Variants in RAI14 observed in about 807,000 individuals in gnomAD.
The protein encoded by RAI14 is ankycorbin.
In RAI14, 45 loss-of-function variants were observed where a neutral mutation model predicts 115.4. The ratio of observed to expected loss-of-function variants is 0.39; its 90% CI spans 0.31 to 0.50. The LOEUF (loss-of-function observed/expected upper bound fraction) is 0.50, where lower values mean the gene tolerates loss of function less well. Among genes scored for constraint, RAI14 ranks in the 20% least tolerant of loss-of-function variants. The pLI, the probability that RAI14 is intolerant of heterozygous loss-of-function variation, is 0.85. For missense variants in RAI14, 939 were observed against 1,131.2 expected (o/e 0.83, Z 2.44); for synonymous variants, 371 against 415.4 (o/e 0.89, Z 1.30).
intron 2 of RAI14, among the ~76,000 whole-genome samples, chr5:34,746,078 A>C (rs1250756239): frequency 2.6e-4 from 18 of 68,150 alleles, no homozygotes; most frequent in Admixed American, 5.3e-4. Context: ...TCCTCCCCTT[A>C]TACACCACCC....
intron 2 of RAI14, among the ~76,000 whole-genome samples, chr5:34,741,552 A>G (rs1391533496): frequency 3.3e-5 from 5 of 152,264 alleles, no homozygotes; most frequent in Admixed American, 2.6e-4. Context: ...GTTACAATGT[A>G]GAAGAGGACA....
At chr5:34,734,756 G>C (rs1026452923) in intron 2 of RAI14, among the ~76,000 whole-genome samples, 2 of 152,018 alleles carry the variant, frequency 1.3e-5, no homozygotes, top group Non-Finnish European at 2.9e-5. Context: ...CCGCCTCCCA[G>C]GTTCAAGCAA....
intron 3 of RAI14, 138 bp downstream of exon 3, chr5:34,757,736 A>T: frequency 8.7e-7 from 1 of 1,150,104 alleles, no homozygotes; most frequent in South Asian, 2.0e-5. Flanking sequence ...AGATATTTTA[A>T]TCTAGTGCCT....
intron 2 of RAI14, chr5:34,757,225 AT>A: frequency 1.8e-6 from 1 of 551,108 alleles, no homozygotes; most frequent in Admixed American, 2.2e-5. Flanking sequence ...AAAGAAGTAA[AT>A]TTTATCTCAG....
intron 1 of RAI14, among the ~76,000 whole-genome samples, chr5:34,683,874 C>G (rs1025427204): frequency 6.6e-6 from 1 of 152,116 alleles, no homozygotes; most frequent in Admixed American, 6.5e-5. Context: ...ACTACAGGCG[C>G]CCGCCATCAC....
chr5:34,781,669 A>G (rs1751664522), intron 3 of RAI14, among the ~76,000 whole-genome samples: 1 of 152,266 alleles, frequency 6.6e-6, no homozygotes, highest in Non-Finnish European at 1.5e-5. Flanking sequence ...CAGCAGCTTT[A>G]GAAAACAGGT....
At chr5:34,682,686 T>C (rs747450143) in intron 1 of RAI14, among the ~76,000 whole-genome samples, 1 of 152,164 alleles carries the variant, frequency 6.6e-6, no homozygotes, top group Non-Finnish European at 1.5e-5. Context: ...TATTTTGAAT[T>C]AAATGGGTAA....
At chr5:34,782,616 G>T (rs1217673931) in intron 3 of RAI14, among the ~76,000 whole-genome samples, 1 of 152,078 alleles carries the variant, frequency 6.6e-6, no homozygotes, top group Admixed American at 6.6e-5. Context: ...CCCAAAATTT[G>T]ATCTTATTAA....
chr5:34,695,877 G>T (rs1324693221), intron 2 of RAI14, among the ~76,000 whole-genome samples: 1 of 150,382 alleles, frequency 6.6e-6, no homozygotes, highest in African/African-American at 2.4e-5. Flanking sequence ...GAGTACAGTG[G>T]TGTTATCATA....
At chr5:34,789,922 T>TTAA (rs1470972537) in intron 3 of RAI14, among the ~76,000 whole-genome samples, 1 of 152,204 alleles carries the variant, frequency 6.6e-6, no homozygotes, top group Non-Finnish European at 1.5e-5. Context: ...CACTACCTCC[T>TTAA]TAATATCCTG....
chr5:34,669,563 C>T (rs998036655), intron 1 of RAI14, among the ~76,000 whole-genome samples: 15 of 152,172 alleles, frequency 9.9e-5, no homozygotes, highest in African/African-American at 1.9e-4. Context: ...GGTGGCAGGC[C>T]GCTGGCTGTG....
chr5:34,812,276 T>A (rs1008572645), intron 10 of RAI14, 68 bp downstream of exon 10: 5 of 1,367,740 alleles, frequency 3.7e-6, no homozygotes, highest in Non-Finnish European at 5.1e-6. Flanking sequence ...TGTTCAGATT[T>A]AACCACTCTG....
chr5:34,710,806 G>C (rs1170201566), intron 2 of RAI14, among the ~76,000 whole-genome samples: 2 of 152,162 alleles, frequency 1.3e-5, no homozygotes. Flanking sequence ...CTTCTGCTCA[G>C]CATGCCAAGA....
intron 1 of RAI14, among the ~76,000 whole-genome samples, chr5:34,659,972 G>A (rs1200583037): frequency 6.6e-6 from 1 of 152,100 alleles, no homozygotes; most frequent in Non-Finnish European, 1.5e-5. Flanking sequence ...GAACTCAGGA[G>A]TTCAAAACTA....
At chr5:34,812,289 C>A in intron 10 of RAI14, 81 bp downstream of exon 10, 1 of 1,220,256 alleles carries the variant, frequency 8.2e-7, no homozygotes, top group South Asian at 1.3e-5. Context: ...CCACTCTGGT[C>A]CACTAGTAAA....
intron 2 of RAI14, among the ~76,000 whole-genome samples, chr5:34,757,111 GC>G (rs1034940294): frequency 2.0e-5 from 3 of 152,198 alleles, no homozygotes; most frequent in Non-Finnish European, 4.4e-5. Context: ...GAGGTCAAAG[GC>G]CAACGTGCTG....
At chr5:34,712,351 A>G (rs1031889102) in intron 2 of RAI14, among the ~76,000 whole-genome samples, 3 of 152,174 alleles carry the variant, frequency 2.0e-5, no homozygotes, top group Non-Finnish European at 4.4e-5. Flanking sequence ...AAACTCTCTG[A>G]GTTCCAAGAT....
At chr5:34,673,375 GC>G (rs1743752046) in intron 1 of RAI14, among the ~76,000 whole-genome samples, 1 of 152,204 alleles carries the variant, frequency 6.6e-6, no homozygotes, top group Non-Finnish European at 1.5e-5. Flanking sequence ...TGATAAACAT[GC>G]CCTCCTTAAC....
intron 12 of RAI14, among the ~76,000 whole-genome samples, chr5:34,816,650 G>T (rs556298249): frequency 6.6e-6 from 1 of 151,904 alleles, no homozygotes; most frequent in Non-Finnish European, 1.5e-5. Context: ...CCCTTATTTA[G>T]AATTATTAAA....
Sources: allele counts gnomAD v4.1 joint callset (sites outside exome capture counted in the v4.1 genomes callset), GRCh38; gene constraint gnomAD v4.1.1; transcripts MANE v1.5; gene names NCBI Gene and HGNC (gene_info 2026-07-23, HGNC 2026-07-21).